PRH1: variants seen among roughly 807,000 people sequenced by gnomAD.
The protein encoded by PRH1 is proline rich protein HaeIII subfamily 1, also known as salivary acidic proline-rich phosphoprotein 1/2.
Under a neutral mutation model 7.9 loss-of-function variants are expected in PRH1, and 7 were observed. That is an observed-to-expected ratio of 0.89 (90% CI 0.50 to 1.67). The LOEUF (loss-of-function observed/expected upper bound fraction) is 1.67. Among genes scored for constraint, PRH1 ranks in the 40% most tolerant of loss-of-function variants. The pLI, the probability that PRH1 is intolerant of heterozygous loss-of-function variation, is 0.00. For missense variants in PRH1, 109 were observed against 223.6 expected (o/e 0.49, Z 3.27); for synonymous variants, 45 against 80.8 (o/e 0.56, Z 2.38).
chr12:10,969,573 T>C (rs991750362), intron 2 of PRH1, among the ~76,000 whole-genome samples: 5 of 152,202 alleles, frequency 3.3e-5, no homozygotes, highest in Non-Finnish European at 7.3e-5. Flanking sequence ...TTTTTTCTTT[T>C]ATTAAATTCT....
At chr12:11,150,006 A>AAG (rs1947012467) in intron 1 of PRH1, among the ~76,000 whole-genome samples, 1 of 100,640 alleles carries the variant, frequency 9.9e-6, no homozygotes, top group Non-Finnish European at 2.4e-5. Context: ...AAAAGTGGGC[A>AAG]AAGGACATGA....
At chr12:10,925,614 G>C (rs1437724097) in intron 2 of PRH1, among the ~76,000 whole-genome samples, 1 of 152,128 alleles carries the variant, frequency 6.6e-6, no homozygotes, top group Non-Finnish European at 1.5e-5. Context: ...GAGGAAAACA[G>C]GTGAATGGAA....
intron 1 of PRH1, among the ~76,000 whole-genome samples, chr12:11,111,154 A>G (rs985604586): frequency 6.6e-6 from 1 of 152,224 alleles, no homozygotes; most frequent in Non-Finnish European, 1.5e-5. Context: ...TTCATAAAGC[A>G]AGTTCTTAGA....
At chr12:11,030,684 C>A in intron 1 of PRH1, 1 of 1,614,192 alleles carries the variant, frequency 6.2e-7, no homozygotes, top group Non-Finnish European at 8.5e-7. Context: ...GTGCTGGGAT[C>A]TTGAGATCCT....
chr12:10,893,542 G>A (rs576586576), intron 2 of PRH1, among the ~76,000 whole-genome samples: 1 of 152,280 alleles, frequency 6.6e-6, no homozygotes, highest in East Asian at 1.9e-4. Context: ...CCCTAGGGGG[G>A]CAAAATTGCC....
chr12:11,023,980 G>A (rs1941787291), intron 1 of PRH1, among the ~76,000 whole-genome samples: 1 of 151,518 alleles, frequency 6.6e-6, no homozygotes, highest in Non-Finnish European at 1.5e-5. Context: ...AGGATCGAAG[G>A]AAAAAATAGA....
At chr12:10,986,273 C>T (rs1012733648) in intron 1 of PRH1, 9 of 1,613,900 alleles carry the variant, frequency 5.6e-6, no homozygotes, top group Non-Finnish European at 7.6e-6. Flanking sequence ...AGATTAGCAT[C>T]AGAAAAGATA....
At chr12:11,076,636 T>C (rs1366723497) in intron 1 of PRH1, 1 of 117,868 alleles carries the variant, frequency 8.5e-6, no homozygotes, top group African/African-American at 2.8e-5. Context: ...ATAACAGCAC[T>C]GAAAGGATCA....
At chr12:11,050,436 C>G (rs1943095805), upstream of PRH1, among the ~76,000 whole-genome samples, 1 of 152,104 alleles carries the variant, frequency 6.6e-6, no homozygotes, top group Non-Finnish European at 1.5e-5. Flanking sequence ...CTGGGTGGGC[C>G]AGGTGTTCCT....
At chr12:10,949,711 A>T (rs928222639) in intron 2 of PRH1, among the ~76,000 whole-genome samples, 1 of 152,148 alleles carries the variant, frequency 6.6e-6, no homozygotes, top group African/African-American at 2.4e-5. Context: ...AAAAGTAACA[A>T]AACTTAAATA....
intron 1 of PRH1, among the ~76,000 whole-genome samples, chr12:11,157,711 T>C (rs897657991): frequency 6.6e-6 from 1 of 152,208 alleles, no homozygotes; most frequent in Non-Finnish European, 1.5e-5. Flanking sequence ...TCTTTAATAA[T>C]GCAACTTACC....
At chr12:11,145,342 A>G (rs1232221026) in intron 1 of PRH1, among the ~76,000 whole-genome samples, 5 of 152,168 alleles carry the variant, frequency 3.3e-5, no homozygotes, top group African/African-American at 1.2e-4. Flanking sequence ...ACAGATACAT[A>G]ACACCATGCA....
intron 2 of PRH1, among the ~76,000 whole-genome samples, chr12:10,934,373 A>G (rs1219087826): frequency 6.6e-6 from 1 of 152,174 alleles, no homozygotes; most frequent in African/African-American, 2.4e-5. Context: ...CAAAGCTGTG[A>G]GGATTCGAAG....
At chr12:10,981,977 G>A (rs185809052) in intron 1 of PRH1, among the ~76,000 whole-genome samples, 7 of 151,492 alleles carry the variant, frequency 4.6e-5, no homozygotes, top group East Asian at 1.9e-4. Context: ...TTACAGGTAT[G>A]AGCTGCCTCA....
chr12:11,020,278 G>A (rs78993399), intron 1 of PRH1, among the ~76,000 whole-genome samples: 2,386 of 20,234 alleles, frequency 0.12, no homozygotes, highest in East Asian at 0.37. Context: ...TGGCTTTTAG[G>A]TCCTGTGAGT....
chr12:10,996,458 A>G (rs1192035894), intron 1 of PRH1: 1 of 152,276 alleles, frequency 6.6e-6, no homozygotes, highest in Non-Finnish European at 1.5e-5. Flanking sequence ...AATGATAGTT[A>G]AACAGTTAAA....
chr12:11,038,020 C>A (rs1942515453), intron 1 of PRH1, among the ~76,000 whole-genome samples: 1 of 152,220 alleles, frequency 6.6e-6, no homozygotes, highest in Non-Finnish European at 1.5e-5. Flanking sequence ...CCAGCCTGGG[C>A]AACAGAGTGA....
chr12:11,147,950 T>G (rs1032935836), intron 1 of PRH1, among the ~76,000 whole-genome samples: 1 of 149,574 alleles, frequency 6.7e-6, no homozygotes, highest in Non-Finnish European at 1.5e-5. Flanking sequence ...GTTTGTATCC[T>G]CTTTTATTTC....
chr12:10,918,389 T>C (rs1315030960), intron 2 of PRH1, among the ~76,000 whole-genome samples: 1 of 151,958 alleles, frequency 6.6e-6, no homozygotes, highest in Non-Finnish European at 1.5e-5. Context: ...AAATAAATAA[T>C]ACATTTTTAA....
Sources: allele counts gnomAD v4.1 joint callset (sites outside exome capture counted in the v4.1 genomes callset), GRCh38; gene constraint gnomAD v4.1.1; transcripts MANE v1.5; gene names NCBI Gene and HGNC (gene_info 2026-07-23, HGNC 2026-07-21).